Variants in RASSF1 observed in about 807,000 individuals in gnomAD.
The protein encoded by RASSF1 is Ras association domain family member 1.
In RASSF1, 33 loss-of-function variants were observed where a neutral mutation model predicts 34.3. The observed-to-expected ratio is 0.96, with a 90% confidence interval of 0.73 to 1.29. The LOEUF is 1.29. RASSF1 is among the 50% of genes most tolerant of loss of function. RASSF1 has a pLI of 0.00. For missense variants in RASSF1, 445 were observed against 471.8 expected (o/e 0.94, Z 0.53); for synonymous variants, 191 against 195.0 (o/e 0.98, Z 0.17).
intron 2 of RASSF1, 27 bp from the exon 3 acceptor site, chr3:50,332,181 G>A (rs1012701024): frequency 4.3e-5 from 69 of 1,600,546 alleles, no homozygotes; most frequent in Non-Finnish European, 5.3e-5. Flanking sequence ...CATGGACACA[G>A]GGCCCTTGAG....
intron 2 of RASSF1, among the ~76,000 whole-genome samples, chr3:50,336,177 C>T (rs1247701554): frequency 6.6e-6 from 1 of 152,252 alleles, no homozygotes; most frequent in Non-Finnish European, 1.5e-5. Context: ...CTCAACTCAA[C>T]CCTTGCACCC....
At chr3:50,339,265 C>T (rs1416732474) in intron 1 of RASSF1, among the ~76,000 whole-genome samples, 6 of 152,092 alleles carry the variant, frequency 3.9e-5, no homozygotes, top group Non-Finnish European at 8.8e-5. Context: ...TCTCCCTTGT[C>T]TCTACCTCTG....
At chr3:50,337,842 G>A (rs912409640) in intron 2 of RASSF1, 63 bp downstream of exon 2, 4 of 1,413,894 alleles carry the variant, frequency 2.8e-6, no homozygotes, top group Middle Eastern at 4.5e-4. Flanking sequence ...CAGCCCTCGA[G>A]AATGCCTGCA....
At position 50,330,716 on chromosome 3, in the gene RASSF1, G is replaced by A; in HGVS notation, c.888C>T (p.Phe296=). The A allele has an allele frequency of 6.2e-7, 1 of 1,613,958 alleles. No individual in the cohort carries two copies. Among genetic ancestry groups the A allele is most frequent in the South Asian group, 1.1e-5 (1 of 91,086 alleles). Residue 296 remains phenylalanine (F), a synonymous_variant, in exon 6 of 6, where the codon TTC becomes TTT. Coordinates refer to ENST00000359365, the MANE Select transcript of RASSF1 (RefSeq NM_007182.5). The surrounding 1 kb of genome is among the most constrained non-coding windows in gnomAD (Gnocchi z 4.5). ...GGAAGTTATGTAGTTCAGGCATGCT[G>A]AAGGCGTCCCACTGCAAGGGGCAAA... The part of the protein sequence containing the change: ...NDSGEVNWDA[F]SMPELHNFLR...
chr3:50,330,568 G>C lies in RASSF1; in HGVS notation c.*13C>G. ...CTGCCTGCTGTCTGCCTTCCACCTG[G>C]GGGTACAAGAGGTCACCCAAGGGGG... On this transcript the variant is annotated 3_prime_UTR_variant, in exon 6 of 6. Coordinates refer to ENST00000359365, the MANE Select transcript of RASSF1 (RefSeq NM_007182.5). This position sits in a 1 kb window ranked among gnomAD's most constrained non-coding sequence, Gnocchi z 4.5. 4 of 1,613,560 alleles carry C rather than the reference G, an allele frequency of 2.5e-6. No individual in the cohort carries two copies. The highest frequency in any genetic ancestry group is 3.4e-6 in the Non-Finnish European group (4 of 1,179,816).
intron 2 of RASSF1, among the ~76,000 whole-genome samples, chr3:50,335,740 G>A (rs1703113648): frequency 6.7e-6 from 1 of 149,852 alleles, no homozygotes; most frequent in African/African-American, 2.5e-5. Context: ...CAAGTAGCTG[G>A]GACTACAGTC....
At chr3:50,337,759 C>G in intron 2 of RASSF1, 146 bp downstream of exon 2, 8 of 949,872 alleles carry the variant, frequency 8.4e-6, no homozygotes, top group Non-Finnish European at 1.2e-5. Flanking sequence ...CCTCCCAGCC[C>G]CCGCGCAGAA....
rs376718723 is a variant in RASSF1 at position 50,329,982 on chromosome 3, T to C, written c.*599A>G. ...CAAATAAGGTATGAACCTGGGCCAG[T>C]GCCCACATTCACACAGACCCTGGCC... On this transcript the variant is annotated 3_prime_UTR_variant, in exon 6 of 6. Transcript: ENST00000359365. 4.6e-5 allele frequency: 7 copies of C among 152,794 alleles called. No homozygotes were observed. The highest frequency in any genetic ancestry group is 1.9e-4 in the East Asian group (1 of 5,184). The allele number at this position is 152,794 out of a possible 1,614,324, so 9.5% of individuals were successfully genotyped here.
chr3:50,338,012 C>T lies in RASSF1; in HGVS notation c.251-1G>A. 3.8e-6 allele frequency: 6 copies of T among 1,582,106 alleles called. No homozygotes were observed. Among genetic ancestry groups the T allele is most frequent in the Non-Finnish European group, 5.2e-6 (6 of 1,164,304 alleles). ...CGGTAGTGGCAGGTGAACTTGCAAT[C>T]TGCAGAGAGGCCTGGCGGTGAGGCG... is the stretch of plus-strand genomic sequence containing the variant. On this transcript the variant is annotated splice_acceptor_variant, in intron 1 of 5. Transcript: ENST00000359365. LOFTEE classifies it high-confidence loss of function.
rs902914352 is a variant in RASSF1, at chr3:50,331,816, A to C, written c.503T>G (p.Leu168Arg). The change falls in exon 4 of 6, where the codon CTG (leucine) becomes CGG (arginine). Residue 168 changes from leucine to arginine, a missense_variant. Leu to Arg is a moderately radical substitution (Grantham distance 102, BLOSUM62 -2). Transcript: ENST00000359365. ...GSYTGFIKVQLKLVRPVSVPS... is the reference protein window; with the variant it reads ...GSYTGFIKVQRKLVRPVSVPS... ...CACAGAGACAGGGCGCACCAGCTTCAGCTGAACCTTGATGAAGCCTGTGTA... is the reference window on the plus strand; with the variant it reads ...CACAGAGACAGGGCGCACCAGCTTCCGCTGAACCTTGATGAAGCCTGTGTA... 6.3e-7 allele frequency: 1 copy of C among 1,588,684 alleles called. No individual in the cohort carries two copies. Among genetic ancestry groups the C allele is most frequent in the Non-Finnish European group, 8.6e-7 (1 of 1,162,582 alleles).
In RASSF1 at chr3:50,331,391, C is replaced by A. The variant is rs767475712; in HGVS notation, c.819G>T (p.Gly273=). The A allele has an allele frequency of 6.2e-7, 1 of 1,607,372 alleles. No individual in the cohort carries two copies. Among genetic ancestry groups the A allele is most frequent in the Admixed American group, 1.7e-5 (1 of 59,210 alleles). Residue 273 remains glycine (G), a synonymous_variant, in exon 5 of 6, where the codon GGG becomes GGT. Coordinates refer to ENST00000359365, the MANE Select transcript of RASSF1 (RefSeq NM_007182.5). ...EQPLRLRLLA[G]PSDKALSFVL... ...CAAAGCTCAGGGCCTTGTCACTGGG[C>A]CCTGCCAGGAGCCGCAGCCGCAGGG... is the stretch of plus-strand genomic sequence containing the variant.
rs986677885 is a variant in RASSF1 at position 50,337,819 on chromosome 3, C to G, written c.357+86G>C. 22 of 1,308,856 alleles carry G rather than the reference C, an allele frequency of 1.7e-5. No individual in the cohort carries two copies. In the African/African-American group the frequency reaches 2.2e-4, roughly 13 times the overall value. 81.1% of individuals were successfully genotyped at this position (1,308,856 alleles called of 1,614,324 possible). On this transcript the variant is annotated intron_variant, in intron 2 of 5. Transcript: ENST00000359365. ...ATCGGCAATTAGAACGCTCCTTGCG[C>G]GCGGCACCCAGGCAGCCCTCGAGAA...
chr3:50,339,890 C>G (rs1703299642), intron 1 of RASSF1, among the ~76,000 whole-genome samples: 1 of 152,146 alleles, frequency 6.6e-6, no homozygotes, highest in South Asian at 2.1e-4. Flanking sequence ...GGTCCACTCC[C>G]AGCAGTTGAT....
At chr3:50,334,641 A>G (rs913892177) in intron 2 of RASSF1, among the ~76,000 whole-genome samples, 3 of 152,184 alleles carry the variant, frequency 2.0e-5, no homozygotes, top group Non-Finnish European at 4.4e-5. Context: ...CCTAACAATG[A>G]GAAAGCTTGC....
At chr3:50,334,808 G>C (rs763169974) in intron 2 of RASSF1, among the ~76,000 whole-genome samples, 17 of 152,296 alleles carry the variant, frequency 1.1e-4, no homozygotes, top group Admixed American at 9.8e-4. Flanking sequence ...TTCTAAAGGA[G>C]GAAGAGTTTC....
At chr3:50,336,948 C>T in intron 2 of RASSF1, 1 of 603,354 alleles carries the variant, frequency 1.7e-6, no homozygotes, top group Non-Finnish European at 2.8e-6. Context: ...CGTGTTCAAC[C>T]TGTCTGTGAC....
chr3:50,331,688 C>T lies in RASSF1; in HGVS notation c.631G>A (p.Val211Ile), dbSNP rs368978863. ...CGTGACAGCACATGCAGGTGCTTGA[C>T]AGCATCCTTGGGCAGGTAAAAGGAA... ...RTSFYLPKDA[V>I]KHLHVLSRTR... is the part of the protein sequence containing the mutation. Residue 211 changes from valine to isoleucine, a missense_variant, in exon 4 of 6, where the codon GTC becomes ATC. Coordinates refer to ENST00000359365, the MANE Select transcript of RASSF1 (RefSeq NM_007182.5). The T allele has an allele frequency of 3.7e-6, 6 of 1,613,222 alleles. No individual in the cohort carries two copies. In the African/African-American group the frequency reaches 5.3e-5, roughly 14 times the overall value.
At position 50,330,592 on chromosome 3, in the gene RASSF1, G is replaced by C. The variant is rs782395944; in HGVS notation, c.1012C>G (p.Pro338Ala). Residue 338 changes from proline to alanine, a missense_variant, in exon 6 of 6, where the codon CCC (proline) becomes GCC (alanine). Physicochemically the swap from Pro to Ala is conservative, Grantham distance 27. Coordinates refer to ENST00000359365, the MANE Select transcript of RASSF1 (RefSeq NM_007182.5). The surrounding 1 kb of genome is among the most constrained non-coding windows in gnomAD (Gnocchi z 4.5). ...QKIQEALHAC[P>A]LG Reference sequence around the variant, plus strand: ...GGGGGTACAAGAGGTCACCCAAGGGGGCAGGCGTGCAGGGCCTCTTGGATC... The same window carrying C: ...GGGGGTACAAGAGGTCACCCAAGGGCGCAGGCGTGCAGGGCCTCTTGGATC... 3 of 1,614,062 alleles carry C rather than the reference G, an allele frequency of 1.9e-6. No homozygotes were observed. The South Asian group carries it at 3.3e-5, about 18-fold the overall frequency.
At chr3:50,337,302 C>A (rs1202086504) in intron 2 of RASSF1, 2 of 1,612,694 alleles carry the variant, frequency 1.2e-6, no homozygotes, top group Non-Finnish European at 1.7e-6. Flanking sequence ...CGAAAGAAGG[C>A]GCCTCCGCCT....
Sources: allele counts gnomAD v4.1 joint callset (sites outside exome capture counted in the v4.1 genomes callset), GRCh38; gene constraint gnomAD v4.1.1; non-coding constraint Gnocchi (gnomAD v3.1); transcripts MANE v1.5; gene names NCBI Gene and HGNC (gene_info 2026-07-23, HGNC 2026-07-21).